DOCK2: variants seen among roughly 807,000 people sequenced by gnomAD.
DOCK2 encodes the protein dedicator of cytokinesis protein 2.
A neutral mutation model predicts 248.9 loss-of-function variants in DOCK2; 87 were observed. The ratio of observed to expected loss-of-function variants is 0.35; its 90% confidence interval spans 0.29 to 0.42. DOCK2 has a LOEUF of 0.42. DOCK2 is among the 10% of genes least tolerant of loss of function. The pLI, the probability that DOCK2 is intolerant of heterozygous loss-of-function variation, is 1.00. For missense variants in DOCK2, 1,747 were observed against 2,300.2 expected, an observed-to-expected ratio of 0.76 and a Z score of 4.92; for synonymous variants, 805 against 821.6, an observed-to-expected ratio of 0.98 and a Z score of 0.35.
intron 27 of DOCK2, among the ~76,000 whole-genome samples, chr5:169,939,552 TTGTG>T (rs1265826093): frequency 6.6e-6 from 1 of 152,154 alleles, no homozygotes; most frequent in Non-Finnish European, 1.5e-5. Context: ...CTGTATGTAA[TTGTG>T]TGTGCTGTAC....
intron 34 of DOCK2, among the ~76,000 whole-genome samples, chr5:170,029,448 G>A (rs1318688895): frequency 1.3e-5 from 2 of 152,174 alleles, no homozygotes; most frequent in African/African-American, 2.4e-5. Context: ...CTTAGCAGCT[G>A]CAAGACTTCA....
rs554046971 is a variant in DOCK2 at position 170,003,917 on chromosome 5, C to T, written c.3073-4580C>T. ...TTCCAGAAGTCATTCCCACAGAGCC[C>T]CATGGCCAAAACTGGGCAGGGGCTA... On this transcript the variant is annotated intron_variant, in intron 30 of 51. Coordinates refer to ENST00000520908, the MANE Select transcript of DOCK2 (RefSeq NM_004946.3). 7.2e-5 allele frequency among the ~76,000 whole-genome samples: 11 copies of T among 152,294 alleles called. 1 individual carries two copies. The South Asian group carries it at 2.3e-3, about 32-fold the overall frequency.
chr5:169,680,134 G>T (rs747712469), intron 6 of DOCK2, among the ~76,000 whole-genome samples: 3 of 152,162 alleles, frequency 2.0e-5, no homozygotes, highest in Non-Finnish European at 2.9e-5. Context: ...TACCAGAGAG[G>T]TTATGAGTGT....
At chr5:170,023,668 C>T (rs1411503205) in intron 33 of DOCK2, among the ~76,000 whole-genome samples, 2 of 152,168 alleles carry the variant, frequency 1.3e-5, no homozygotes, top group Non-Finnish European at 2.9e-5. Flanking sequence ...CCCCTTCTCA[C>T]GTGACATTCT....
intron 39 of DOCK2, among the ~76,000 whole-genome samples, chr5:170,046,653 G>A (rs1026230835): frequency 6.6e-6 from 1 of 152,160 alleles, no homozygotes; most frequent in Non-Finnish European, 1.5e-5. Context: ...TTCACTGTTT[G>A]TAAGATAATA....
chr5:169,678,412 C>T (rs752051573), intron 6 of DOCK2, among the ~76,000 whole-genome samples: 9 of 152,040 alleles, frequency 5.9e-5, no homozygotes, highest in South Asian at 4.2e-4. Context: ...TATAGGCACA[C>T]GTCACCATGC....
At chr5:169,961,041 C>T (rs1777066239) in intron 27 of DOCK2, among the ~76,000 whole-genome samples, 1 of 152,194 alleles carries the variant, frequency 6.6e-6, no homozygotes, top group Non-Finnish European at 1.5e-5. Context: ...CTGTAACTAT[C>T]ATGGTAAACA....
intron 2 of DOCK2, among the ~76,000 whole-genome samples, chr5:169,668,277 GT>G: frequency 6.6e-6 from 1 of 152,142 alleles, no homozygotes; most frequent in East Asian, 1.9e-4. Context: ...TCTTCCTTCT[GT>G]TTTTCCTCTC....
At chr5:169,833,046 G>A (rs1051770888) in intron 26 of DOCK2, among the ~76,000 whole-genome samples, 2 of 152,082 alleles carry the variant, frequency 1.3e-5, no homozygotes, top group Non-Finnish European at 1.5e-5. Flanking sequence ...AGCAGAATAG[G>A]TCCTTCATTC....
chr5:170,070,367 C>T, intron 46 of DOCK2, among the ~76,000 whole-genome samples: 1 of 152,246 alleles, frequency 6.6e-6, no homozygotes, highest in East Asian at 1.9e-4. Flanking sequence ...ATAAGAATTC[C>T]TAATTCAGGT....
At chr5:169,983,044 A>G (rs1777981640) in intron 27 of DOCK2, 24 bp from the exon 28 acceptor site, 1 of 1,612,064 alleles carries the variant, frequency 6.2e-7, no homozygotes, top group African/African-American at 1.3e-5. Flanking sequence ...AACTATTTAT[A>G]GTATTTGTCT....
At chr5:169,684,854 G>A (rs1029843886) in intron 8 of DOCK2, among the ~76,000 whole-genome samples, 3 of 152,154 alleles carry the variant, frequency 2.0e-5, no homozygotes, top group African/African-American at 7.2e-5. Flanking sequence ...TTGCTGCATT[G>A]TCCAGTCTGG....
intron 19 of DOCK2, 118 bp downstream of exon 19, chr5:169,714,575 A>G (rs956214399): frequency 9.4e-7 from 1 of 1,059,222 alleles, no homozygotes; most frequent in Non-Finnish European, 1.4e-6. Flanking sequence ...TTCCAACAGT[A>G]GGATACACTC....
At chr5:169,892,814 G>C (rs1773374183) in intron 27 of DOCK2, among the ~76,000 whole-genome samples, 1 of 152,202 alleles carries the variant, frequency 6.6e-6, no homozygotes, top group African/African-American at 2.4e-5. Context: ...AGACATGAAA[G>C]GTTACAAATC....
chr5:169,742,772 A>G (rs1763389054), intron 22 of DOCK2, among the ~76,000 whole-genome samples: 1 of 152,196 alleles, frequency 6.6e-6, no homozygotes, highest in Non-Finnish European at 1.5e-5. Flanking sequence ...CTCCATTTGC[A>G]TTTAGTGAGT....
intron 27 of DOCK2, among the ~76,000 whole-genome samples, chr5:169,913,715 G>A (rs61486382): frequency 0.044 from 4,896 of 110,112 alleles, 203 homozygotes; most frequent in African/African-American, 0.15. Context: ...CACGCCCTCT[G>A]CCTGGACATT....
chr5:169,939,538 T>C (rs1024431935), intron 27 of DOCK2, among the ~76,000 whole-genome samples: 32 of 152,304 alleles, frequency 2.1e-4, no homozygotes, highest in African/African-American at 6.7e-4. Flanking sequence ...TTGTCAATTA[T>C]GTGCTGTATG....
intron 27 of DOCK2, among the ~76,000 whole-genome samples, chr5:169,964,794 G>T (rs979190160): frequency 6.6e-6 from 1 of 152,210 alleles, no homozygotes; most frequent in African/African-American, 2.4e-5. Flanking sequence ...ATTTGTAAAA[G>T]GTGTATAATA....
At chr5:170,028,763 ACACACG>A (rs1561888180) in intron 34 of DOCK2, among the ~76,000 whole-genome samples, 2 of 122,262 alleles carry the variant, frequency 1.6e-5, no homozygotes, top group African/African-American at 6.5e-5. Flanking sequence ...ACACACACAC[ACACACG>A]CGTGCGCACA....
Sources: allele counts gnomAD v4.1 joint callset (sites outside exome capture counted in the v4.1 genomes callset), GRCh38; gene constraint gnomAD v4.1.1; transcripts MANE v1.5; gene names NCBI Gene and HGNC (gene_info 2026-07-23, HGNC 2026-07-21).